Variants in ROBO2 observed in about 807,000 individuals in gnomAD.
ROBO2 encodes the protein roundabout homolog 2.
A neutral mutation model predicts 160.8 loss-of-function variants in ROBO2; 53 were observed. The observed-to-expected ratio is 0.33, with a 90% CI of 0.26 to 0.41. The LOEUF (loss-of-function observed/expected upper bound fraction) is 0.41, where lower values mean the gene tolerates loss of function less well. Among genes scored for constraint, ROBO2 ranks in the 10% least tolerant of loss-of-function variants. ROBO2 has a pLI of 1.00. For missense variants in ROBO2, 1,577 were observed against 1,722.4 expected, an observed-to-expected ratio of 0.92 and a Z score of 1.49; for synonymous variants, 664 against 611.7, an observed-to-expected ratio of 1.09 and a Z score of -1.26.
intron 2 of ROBO2, among the ~76,000 whole-genome samples, chr3:77,259,729 C>T (rs73844659): frequency 0.013 from 2,013 of 152,276 alleles, 40 homozygotes; most frequent in African/African-American, 0.046. Context: ...AATTACATGT[C>T]GTTTTACAAT....
intron 4 of ROBO2, among the ~76,000 whole-genome samples, chr3:77,485,927 C>T (rs903589037): frequency 2.0e-5 from 3 of 152,124 alleles, no homozygotes; most frequent in Non-Finnish European, 4.4e-5. Flanking sequence ...TTCTGATGCT[C>T]TCCCTCACCA....
At chr3:76,735,556 G>T (rs963201379) in intron 2 of ROBO2, among the ~76,000 whole-genome samples, 7 of 151,666 alleles carry the variant, frequency 4.6e-5, no homozygotes, top group African/African-American at 1.7e-4. Flanking sequence ...GAATCCAGGG[G>T]TTCCTGACCA....
chr3:76,605,906 G>A (rs529467873), intron 2 of ROBO2, among the ~76,000 whole-genome samples: 2 of 152,238 alleles, frequency 1.3e-5, no homozygotes, highest in South Asian at 4.1e-4. Context: ...TCCAGCAGTA[G>A]AATGGAGGTT....
chr3:76,523,825 T>C (rs1415368457), intron 2 of ROBO2, among the ~76,000 whole-genome samples: 1 of 152,006 alleles, frequency 6.6e-6, no homozygotes, highest in Non-Finnish European at 1.5e-5. Flanking sequence ...GCTGAAAATA[T>C]AAGATGAATG....
chr3:76,551,411 C>T (rs571546729), intron 2 of ROBO2, among the ~76,000 whole-genome samples: 14 of 152,238 alleles, frequency 9.2e-5, no homozygotes, highest in East Asian at 3.9e-4. Flanking sequence ...AGCTCCTTTC[C>T]GTCTTGCTCA....
At chr3:76,451,396 G>C (rs2077467817) in intron 2 of ROBO2, among the ~76,000 whole-genome samples, 1 of 152,088 alleles carries the variant, frequency 6.6e-6, no homozygotes, top group Non-Finnish European at 1.5e-5. Flanking sequence ...AATGTATTTT[G>C]ATCGCTCCTT....
At chr3:77,427,938 G>A (rs1285015155) in intron 2 of ROBO2, among the ~76,000 whole-genome samples, 1 of 152,076 alleles carries the variant, frequency 6.6e-6, no homozygotes. Flanking sequence ...AACCTTACAG[G>A]CAACCATTAG....
intron 2 of ROBO2, among the ~76,000 whole-genome samples, chr3:76,658,066 G>GAATGAATA (rs1278557688): frequency 4.6e-5 from 6 of 131,698 alleles, no homozygotes; most frequent in African/African-American, 1.7e-4. Flanking sequence ...GATCCTGTCT[G>GAATGAATA]AATAAATAAA....
intron 2 of ROBO2, among the ~76,000 whole-genome samples, chr3:76,827,316 T>A (rs1576884637): frequency 6.6e-6 from 1 of 152,312 alleles, no homozygotes; most frequent in East Asian, 1.9e-4. Flanking sequence ...ATATATCTAA[T>A]CTTTTCTCTT....
At chr3:76,557,961 T>C (rs1280864162) in intron 2 of ROBO2, among the ~76,000 whole-genome samples, 3 of 151,744 alleles carry the variant, frequency 2.0e-5, no homozygotes, top group African/African-American at 7.2e-5. Flanking sequence ...ATAGTTATCA[T>C]GCGGATAATG....
chr3:77,222,327 A>C (rs746605702), intron 2 of ROBO2, among the ~76,000 whole-genome samples: 17 of 152,202 alleles, frequency 1.1e-4, no homozygotes, highest in Non-Finnish European at 2.2e-4. Flanking sequence ...ACCTGCTTAA[A>C]ATCCTTTAAT....
intron 1 of ROBO2, among the ~76,000 whole-genome samples, chr3:75,927,016 G>A (rs1471792686): frequency 6.6e-5 from 10 of 152,082 alleles, no homozygotes; most frequent in Non-Finnish European, 1.0e-4. Flanking sequence ...ATTTGAGTAC[G>A]CTCTCTCAGA....
chr3:76,400,355 C>G (rs1210768052), intron 2 of ROBO2, among the ~76,000 whole-genome samples: 1 of 151,298 alleles, frequency 6.6e-6, no homozygotes, highest in African/African-American at 2.4e-5. Flanking sequence ...AGTGACTCAC[C>G]CAAAAGGGGA....
chr3:76,040,042 G>C (rs1183440079), intron 2 of ROBO2, among the ~76,000 whole-genome samples: 1 of 151,630 alleles, frequency 6.6e-6, no homozygotes. Context: ...CTTCTTTTTT[G>C]TGCAGAGAAA....
chr3:77,303,388 T>C (rs1157721023), intron 2 of ROBO2, among the ~76,000 whole-genome samples: 2 of 152,172 alleles, frequency 1.3e-5, no homozygotes, highest in East Asian at 1.9e-4. Flanking sequence ...GTCTGTAAAT[T>C]TGATTTTGGG....
intron 2 of ROBO2, among the ~76,000 whole-genome samples, chr3:77,377,787 A>C (rs6548503): frequency 0.52 from 78,761 of 152,034 alleles, 21,276 homozygotes; most frequent in East Asian, 0.95. Context: ...GTGTTTAATC[A>C]TTTTGTGAAC....
At chr3:76,152,409 A>G (rs764351667) in intron 2 of ROBO2, among the ~76,000 whole-genome samples, 7 of 152,164 alleles carry the variant, frequency 4.6e-5, no homozygotes, top group Non-Finnish European at 7.4e-5. Context: ...AGTATATAGA[A>G]CACAACATTA....
chr3:76,072,367 G>A (rs1405623569), intron 2 of ROBO2, among the ~76,000 whole-genome samples: 1 of 151,974 alleles, frequency 6.6e-6, no homozygotes, highest in East Asian at 1.9e-4. Context: ...CTATTTTGTG[G>A]AGAAATGTTT....
chr3:76,471,876 C>T lies in ROBO2; in HGVS notation c.109+534274C>T, dbSNP rs538037910. On this transcript the variant is annotated intron_variant, in intron 2 of 26. Coordinates refer to the ROBO2 transcript ENST00000487694. Reference sequence around the variant, plus strand: ...AAGTGCCAAGCAAAGGGGGAAAAGCCCATCAGATCTCATGAGAACTCATTC... The same window carrying T: ...AAGTGCCAAGCAAAGGGGGAAAAGCTCATCAGATCTCATGAGAACTCATTC... Among the ~76,000 whole-genome samples the T allele has an allele frequency of 2.0e-5, 3 of 152,170 alleles. No individual in the cohort carries two copies. In the East Asian group the frequency reaches 5.8e-4, roughly 30 times the overall value.
Sources: gnomAD v4.1 joint callset for allele counts (sites outside exome capture counted in the v4.1 genomes callset) on GRCh38, gnomAD v4.1.1 for gene constraint, MANE v1.5 for transcripts, NCBI Gene and HGNC (gene_info 2026-07-23, HGNC 2026-07-21) for gene names.